EFNA5: variants seen among roughly 807,000 people sequenced by gnomAD.
EFNA5 encodes ephrin A5.
EFNA5 carries 5 observed loss-of-function variants against 22.9 expected under a neutral mutation model. The ratio of observed to expected loss-of-function variants is 0.22; its 90% CI spans 0.11 to 0.46. The LOEUF is 0.46. EFNA5 is among the 20% of genes least tolerant of loss of function. The pLI, the probability that EFNA5 is intolerant of heterozygous loss-of-function variation, is 0.99. For synonymous variants in EFNA5, 113 were observed against 112.2 expected (o/e 1.01, Z -0.04); for missense variants, 237 against 293.3 (o/e 0.81, Z 1.40).
intron 1 of EFNA5, among the ~76,000 whole-genome samples, chr5:107,667,628 G>A (rs1424810143): frequency 2.6e-5 from 4 of 152,102 alleles, no homozygotes; most frequent in Admixed American, 1.3e-4. Flanking sequence ...TAGACACAGT[G>A]TACATTATCA....
intron 1 of EFNA5, among the ~76,000 whole-genome samples, chr5:107,512,077 T>G (rs955276720): frequency 2.0e-5 from 3 of 152,228 alleles, no homozygotes; most frequent in Non-Finnish European, 4.4e-5. Context: ...TTGTTTTACT[T>G]CCTTTCGAAA....
chr5:107,495,875 C>T (rs775481795), intron 1 of EFNA5, among the ~76,000 whole-genome samples: 1 of 152,078 alleles, frequency 6.6e-6, no homozygotes, highest in Non-Finnish European at 1.5e-5. Flanking sequence ...CCAGAACAGC[C>T]TATCAGGAAG....
intron 1 of EFNA5, among the ~76,000 whole-genome samples, chr5:107,608,411 T>C (rs1749763926): frequency 1.3e-5 from 2 of 152,208 alleles, no homozygotes; most frequent in Admixed American, 6.5e-5. Context: ...TTAAGCCTCA[T>C]TCATCGTAAA....
At position 107,424,381 on chromosome 5, in the gene EFNA5, A is replaced by AT. The variant is rs35528582; in HGVS notation, c.418+2835dup. On this transcript the variant is annotated intron_variant, in intron 2 of 4. Transcript: ENST00000333274. ...GCCACCATGCCCAGCTAATTTTTGT[A>AT]TTTTTTTTTTTTTTTTAGTAGCGAT... Among the ~76,000 whole-genome samples, 523 of 125,852 alleles carry AT rather than the reference A, an allele frequency of 4.2e-3. 2 individuals carry two copies. Among genetic ancestry groups the AT allele is most frequent in the African/African-American group, 6.0e-3 (204 of 33,836 alleles). 82.6% of individuals were successfully genotyped at this position (125,852 alleles called of 152,430 possible). A position where few individuals can be genotyped will look rare whatever the true frequency, so the allele number is the denominator to read the frequency against.
intron 1 of EFNA5, among the ~76,000 whole-genome samples, chr5:107,644,226 G>A (rs563333435): frequency 2.0e-5 from 3 of 152,148 alleles, no homozygotes; most frequent in South Asian, 2.1e-4. Flanking sequence ...TCTTAAATCC[G>A]TCGTCGTCAT....
intron 1 of EFNA5, among the ~76,000 whole-genome samples, chr5:107,462,360 CTT>C (rs1251283614): frequency 2.0e-5 from 3 of 152,138 alleles, no homozygotes; most frequent in Non-Finnish European, 4.4e-5. Context: ...TGGATTGTGA[CTT>C]TTATTTGATG....
intron 1 of EFNA5, among the ~76,000 whole-genome samples, chr5:107,517,304 T>C (rs62355606): frequency 0.059 from 8,946 of 152,294 alleles, 303 homozygotes; most frequent in African/African-American, 0.072. Context: ...TCCACTCCTA[T>C]ACAATCATGG....
At chr5:107,492,195 T>C (rs1424261697) in intron 1 of EFNA5, among the ~76,000 whole-genome samples, 1 of 152,056 alleles carries the variant, frequency 6.6e-6, no homozygotes, top group Non-Finnish European at 1.5e-5. Context: ...TCCTAAACCA[T>C]GTTTAAAAAA....
intron 1 of EFNA5, among the ~76,000 whole-genome samples, chr5:107,468,809 G>A (rs1222284334): frequency 6.6e-6 from 1 of 152,024 alleles, no homozygotes; most frequent in African/African-American, 2.4e-5. Flanking sequence ...AAAAAAATAG[G>A]CCATACAGGT....
intron 1 of EFNA5, among the ~76,000 whole-genome samples, chr5:107,493,282 T>G (rs1746866466): frequency 1.3e-5 from 2 of 152,178 alleles, no homozygotes; most frequent in Admixed American, 1.3e-4. Context: ...AAAACCTTTG[T>G]TCTCTCTCCC....
At chr5:107,609,040 C>G (rs1219999621) in intron 1 of EFNA5, among the ~76,000 whole-genome samples, 1 of 152,210 alleles carries the variant, frequency 6.6e-6, no homozygotes, top group African/African-American at 2.4e-5. Context: ...TCCTGCAAAA[C>G]ATGGGCCTTG....
intron 1 of EFNA5, among the ~76,000 whole-genome samples, chr5:107,440,667 C>T (rs867712735): frequency 1.2e-4 from 18 of 152,242 alleles, no homozygotes; most frequent in Admixed American, 2.6e-4. Flanking sequence ...CAAAGTTTCA[C>T]GACGTACACA....
intron 1 of EFNA5, among the ~76,000 whole-genome samples, chr5:107,473,945 C>G (rs551538099): frequency 6.6e-6 from 1 of 152,146 alleles, no homozygotes; most frequent in Non-Finnish European, 1.5e-5. Flanking sequence ...AGGCATGAGC[C>G]ACCATGCCTG....
At chr5:107,410,874 TATTG>T (rs1399787476) in intron 2 of EFNA5, among the ~76,000 whole-genome samples, 2 of 152,214 alleles carry the variant, frequency 1.3e-5, no homozygotes, top group Non-Finnish European at 2.9e-5. Context: ...TAACCCAGTC[TATTG>T]CATGTCTTAT....
intron 1 of EFNA5, among the ~76,000 whole-genome samples, chr5:107,657,915 T>C (rs1028482828): frequency 2.0e-5 from 3 of 152,128 alleles, no homozygotes; most frequent in African/African-American, 7.2e-5. Flanking sequence ...GTTCCATTCC[T>C]TACTTGTTAA....
At chr5:107,531,434 A>C (rs1486250477) in intron 1 of EFNA5, among the ~76,000 whole-genome samples, 2 of 152,228 alleles carry the variant, frequency 1.3e-5, no homozygotes, top group Non-Finnish European at 2.9e-5. Flanking sequence ...CAGATGAGGA[A>C]TGCCTAAAAA....
rs199946461 is a variant in EFNA5 at position 107,535,556 on chromosome 5, TTATTA to T, written c.126-108052_126-108048del. 8.3e-3 allele frequency among the ~76,000 whole-genome samples: 1,269 copies of T among 152,222 alleles called. 19 individuals carry two copies. The highest frequency in any genetic ancestry group is 0.029 in the African/African-American group (1,196 of 41,548). On this transcript the variant is annotated intron_variant, in intron 1 of 4. Transcript: ENST00000333274. ...TTTGAAAAGAAAAATATATTTACCT[TTATTA>T]TATGACATTATTTTTATAGAAAACA...
intron 1 of EFNA5, among the ~76,000 whole-genome samples, chr5:107,438,446 A>G (rs1483482143): frequency 6.6e-6 from 1 of 152,138 alleles, no homozygotes; most frequent in African/African-American, 2.4e-5. Flanking sequence ...TTTTGCTCTC[A>G]GTTGTGTCCC....
intron 1 of EFNA5, among the ~76,000 whole-genome samples, chr5:107,555,345 G>A (rs538870387): frequency 6.6e-6 from 1 of 152,170 alleles, no homozygotes; most frequent in Non-Finnish European, 1.5e-5. Flanking sequence ...TGTTCGTGCA[G>A]CTACCCATGT....
Sources: allele counts gnomAD v4.1 joint callset (sites outside exome capture counted in the v4.1 genomes callset), GRCh38; gene constraint gnomAD v4.1.1; transcripts MANE v1.5; gene names NCBI Gene and HGNC (gene_info 2026-07-23, HGNC 2026-07-21).